The following AHCTF1 variants were observed in gnomAD, a reference collection of about 807,000 sequenced individuals.
AHCTF1 encodes the protein AT-hook containing transcription factor 1.
A neutral mutation model predicts 248.4 loss-of-function variants in AHCTF1; 24 were observed. That is an observed-to-expected ratio of 0.10 (90% CI 0.07 to 0.14). The LOEUF (loss-of-function observed/expected upper bound fraction) is 0.14. AHCTF1 is among the 10% of genes least tolerant of loss of function. The pLI is 1.00. For missense variants in AHCTF1, 2,206 were observed against 2,636.2 expected (o/e 0.84, Z 3.57); for synonymous variants, 786 against 929.8 (o/e 0.85, Z 2.81).
At chr1:246,863,888 A>G (rs750157810) in intron 27 of AHCTF1, 36 bp downstream of exon 27, 2 of 1,593,508 alleles carry the variant, frequency 1.3e-6, no homozygotes, top group Non-Finnish European at 1.7e-6. Flanking sequence ...AGAGCCATCT[A>G]GTTTGATTGT....
chr1:246,856,988 G>A (rs562858915), intron 30 of AHCTF1, among the ~76,000 whole-genome samples: 1 of 152,278 alleles, frequency 6.6e-6, no homozygotes, highest in Admixed American at 6.5e-5. Context: ...CTCTACAACG[G>A]TGTTATTCAA....
Position 246,931,680 on chromosome 1 carries a change from G to C in AHCTF1, c.-110C>G, listed in dbSNP as rs1313743162. 6.6e-6 allele frequency: 1 copy of C among 152,384 alleles called. No homozygotes were observed. Among genetic ancestry groups the C allele is most frequent in the Non-Finnish European group, 1.5e-5 (1 of 68,244 alleles). The allele number at this position is 152,384 out of a possible 1,614,324, so 9.4% of individuals were successfully genotyped here. A position where few individuals can be genotyped will look rare whatever the true frequency, so the allele number is the denominator to read the frequency against. Reference sequence around the variant, plus strand: ...GGGTCCGTCACAGCATCTCCCGGGAGACGTGGCCGCCACGGGCCGGGCTCA... The same window carrying C: ...GGGTCCGTCACAGCATCTCCCGGGACACGTGGCCGCCACGGGCCGGGCTCA... On this transcript the variant is annotated 5_prime_UTR_variant, in exon 1 of 36. Transcript: ENST00000648844.
At position 246,843,250 on chromosome 1, in the gene AHCTF1, C is replaced by T. The variant is rs374627296; in HGVS notation, c.6526-474G>A. On this transcript the variant is annotated intron_variant, in intron 34 of 35. Transcript: ENST00000648844. ...CTGTTGGGAGGAATGCCTGTCTCCT[C>T]TAACCTCGGTCTATAAAGTATTTGA... 3.2e-4 allele frequency among the ~76,000 whole-genome samples: 49 copies of T among 152,346 alleles called. 1 individual carries two copies. Among genetic ancestry groups the T allele is most frequent in the African/African-American group, 1.0e-3 (43 of 41,582 alleles).
chr1:246,882,633 A>C (rs1663530193), intron 21 of AHCTF1, among the ~76,000 whole-genome samples: 1 of 152,244 alleles, frequency 6.6e-6, no homozygotes, highest in Non-Finnish European at 1.5e-5. Context: ...AACCCACCTA[A>C]CAAAGAGGAA....
chr1:246,876,168 A>C lies in AHCTF1; in HGVS notation c.2957T>G (p.Leu986Trp). ...INVMNDRDPRLRERSLARNSI... is the reference protein window; with the variant it reads ...INVMNDRDPRWRERSLARNSI... The stretch of plus-strand genomic sequence containing the variant: ...ATTTCGAGCCAGTGATCTCTCCCGC[A>C]AACGAGGATCACGATCATTCTATTA... The change falls in exon 24 of 36, where the codon TTG becomes TGG. Residue 986 changes from leucine to tryptophan, a missense_variant. Physicochemically the swap from Leu to Trp is moderately conservative, Grantham distance 61. Around this residue, in one of 6 missense-constraint regions of AHCTF1, gnomAD observed 955 missense variants for 1,055.6 expected, o/e 0.90. Coordinates refer to ENST00000648844, the MANE Select transcript of AHCTF1 (RefSeq NM_001323342.2). The C allele has an allele frequency of 6.3e-7, 1 of 1,598,874 alleles. No individual in the cohort carries two copies. The highest frequency in any genetic ancestry group is 8.5e-7 in the Non-Finnish European group (1 of 1,171,554).
Position 246,843,941 on chromosome 1 carries a change from G to C in AHCTF1, c.6392-13C>G. ...TCTATTTTTTTAGCTAAAAAAAGTT[G>C]AAAAAACTGTATCTGTATCTTTATA... On this transcript the variant is annotated splice_polypyrimidine_tract_variant and intron_variant, in intron 33 of 35. Transcript: ENST00000648844. The C allele has an allele frequency of 7.1e-7, 1 of 1,417,560 alleles. No individual in the cohort carries two copies. Among genetic ancestry groups the C allele is most frequent in the Non-Finnish European group, 9.3e-7 (1 of 1,077,632 alleles). 87.8% of individuals were successfully genotyped at this position (1,417,560 alleles called of 1,614,324 possible). A position where few individuals can be genotyped will look rare whatever the true frequency, so the allele number is the denominator to read the frequency against.
chr1:246,895,322 T>C (rs1179935013), intron 13 of AHCTF1, among the ~76,000 whole-genome samples: 2 of 152,182 alleles, frequency 1.3e-5, no homozygotes, highest in Non-Finnish European at 2.9e-5. Flanking sequence ...GAAATATTTA[T>C]GGGCTACAAA....
intron 29 of AHCTF1, among the ~76,000 whole-genome samples, chr1:246,858,955 C>T (rs137895470): frequency 4.0e-5 from 6 of 151,784 alleles, no homozygotes; most frequent in Non-Finnish European, 5.9e-5. Flanking sequence ...AGGCCAGGAC[C>T]GGTGGCGCAT....
At chr1:246,908,806 G>A (rs922298000) in intron 4 of AHCTF1, among the ~76,000 whole-genome samples, 1 of 151,364 alleles carries the variant, frequency 6.6e-6, no homozygotes, top group Admixed American at 6.6e-5. Flanking sequence ...GAGGCAGGAG[G>A]AGAATGGTGT....
intron 4 of AHCTF1, among the ~76,000 whole-genome samples, chr1:246,910,957 A>C (rs937753766): frequency 1.3e-5 from 2 of 152,212 alleles, no homozygotes; most frequent in Admixed American, 1.3e-4. Context: ...TTCATTTCCT[A>C]CCTTGGTGTA....
chr1:246,851,637 C>G (rs1365461050), intron 32 of AHCTF1, among the ~76,000 whole-genome samples, 195 bp from the exon 33 acceptor site: 1 of 152,136 alleles, frequency 6.6e-6, no homozygotes, highest in Non-Finnish European at 1.5e-5. Flanking sequence ...GTCAAAATAA[C>G]TACATTTTGA....
At chr1:246,899,650 G>A (rs964457770) in intron 10 of AHCTF1, 138 bp from the exon 11 acceptor site, 3 of 612,432 alleles carry the variant, frequency 4.9e-6, no homozygotes, top group Non-Finnish European at 8.0e-6. Flanking sequence ...AACTTTTCTA[G>A]GTATTTTCAT....
chr1:246,863,226 C>T (rs1325482083), intron 27 of AHCTF1, among the ~76,000 whole-genome samples: 1 of 151,938 alleles, frequency 6.6e-6, no homozygotes, highest in African/African-American at 2.4e-5. Context: ...TTTTATTCAA[C>T]TTGAAAAATA....
intron 33 of AHCTF1, 64 bp downstream of exon 33, chr1:246,849,551 T>C (rs1660538421): frequency 5.9e-6 from 9 of 1,522,910 alleles, no homozygotes; most frequent in East Asian, 2.3e-5. Flanking sequence ...TTAGGACAAA[T>C]AACCAAATTT....
chr1:246,895,627 T>C (rs1441588121), intron 13 of AHCTF1, among the ~76,000 whole-genome samples: 1 of 152,164 alleles, frequency 6.6e-6, no homozygotes, highest in Non-Finnish European at 1.5e-5. Flanking sequence ...TGAGGGATCC[T>C]GGTGGTGCTG....
At chr1:246,923,152 T>C (rs999801797) in intron 1 of AHCTF1, among the ~76,000 whole-genome samples, 4 of 144,992 alleles carry the variant, frequency 2.8e-5, no homozygotes, top group East Asian at 4.1e-4. Context: ...CGGTGGCCCA[T>C]GCCTGTAATC....
Position 246,853,130 on chromosome 1 carries a change from A to T in AHCTF1, c.4524T>A (p.Leu1508=). ...TATCAGGAGGGCTGTCAGAAATTGG[A>T]AGCTTTTCTTCTGGTAAGTCAACAC... The part of the protein sequence containing the change: ...KESVDLPEEK[L]PISDSPPDTQ... The change falls in exon 32 of 36, where the codon CTT becomes CTA. Residue 1508 remains leucine (L), a synonymous_variant. Coordinates refer to ENST00000648844, the MANE Select transcript of AHCTF1 (RefSeq NM_001323342.2). 6.2e-7 allele frequency: 1 copy of T among 1,609,626 alleles called. No individual in the cohort carries two copies. Among genetic ancestry groups the T allele is most frequent in the Non-Finnish European group, 8.5e-7 (1 of 1,178,628 alleles).
intron 6 of AHCTF1, among the ~76,000 whole-genome samples, chr1:246,905,132 T>C (rs868613108): frequency 2.0e-5 from 3 of 152,348 alleles, no homozygotes; most frequent in East Asian, 3.9e-4. Context: ...ACTGAAAGAA[T>C]TGTGTTGCCT....
At chr1:246,861,323 A>AAATT in intron 28 of AHCTF1, 28 bp from the exon 29 acceptor site, 1 of 1,556,632 alleles carries the variant, frequency 6.4e-7, no homozygotes, top group South Asian at 1.2e-5. Flanking sequence ...GAAAAGAAAA[A>AAATT]AATTAGTAAA....
Sources: allele counts gnomAD v4.1 joint callset (sites outside exome capture counted in the v4.1 genomes callset), GRCh38; gene constraint gnomAD v4.1.1; regional missense constraint gnomAD v4.1.1; transcripts MANE v1.5; gene names NCBI Gene and HGNC (gene_info 2026-07-23, HGNC 2026-07-21).